Variants in NAALADL2 observed in about 807,000 individuals in gnomAD.
NAALADL2 encodes N-acetylated alpha-linked acidic dipeptidase like 2.
A neutral mutation model predicts 87.2 loss-of-function variants in NAALADL2; 76 were observed. That is an observed-to-expected ratio of 0.87 (90% CI 0.72 to 1.05). The LOEUF is 1.05. NAALADL2 is among the 50% of genes least tolerant of loss of function. The pLI, the probability that NAALADL2 is intolerant of heterozygous loss-of-function variation, is 0.00. For missense variants in NAALADL2, 1,089 were observed against 945.8 expected (o/e 1.15, Z -1.99); for synonymous variants, 354 against 331.0 (o/e 1.07, Z -0.75).
intron 2 of NAALADL2, among the ~76,000 whole-genome samples, chr3:174,664,051 T>C (rs1725747050): frequency 6.6e-6 from 1 of 151,988 alleles, no homozygotes. Flanking sequence ...GGCCTCCCAA[T>C]GTGTGGGGAT....
chr3:175,325,436 A>T (rs1760589157), intron 5 of NAALADL2, among the ~76,000 whole-genome samples: 1 of 152,192 alleles, frequency 6.6e-6, no homozygotes, highest in South Asian at 2.1e-4. Flanking sequence ...TACAATTTTA[A>T]GTTAGAATTA....
In NAALADL2 at chr3:175,803,343, T is replaced by G; in HGVS notation, c.*140T>G. 2.1e-6 allele frequency: 1 copy of G among 483,014 alleles called. No homozygotes were observed. The highest frequency in any genetic ancestry group is 5.3e-4 in the Middle Eastern group (1 of 1,888). 29.9% of individuals were successfully genotyped at this position (483,014 alleles called of 1,614,324 possible). ...TAAAGCTATTATTACATTGTATTTT[T>G]TAAATGTAAATATAGAAAGAACATT... On this transcript the variant is annotated 3_prime_UTR_variant, in exon 14 of 14. Coordinates refer to ENST00000454872, the MANE Select transcript of NAALADL2 (RefSeq NM_207015.3).
chr3:175,544,505 G>T (rs150946333), intron 9 of NAALADL2, among the ~76,000 whole-genome samples: 1 of 151,982 alleles, frequency 6.6e-6, no homozygotes, highest in Non-Finnish European at 1.5e-5. Context: ...GAAATTTTTC[G>T]TATCTTCTTT....
At chr3:175,654,038 G>A (rs1253980466) in intron 11 of NAALADL2, among the ~76,000 whole-genome samples, 2 of 152,154 alleles carry the variant, frequency 1.3e-5, no homozygotes, top group East Asian at 1.9e-4. Flanking sequence ...TTGTTCATGG[G>A]CTGATTGTTG....
At position 175,512,080 on chromosome 3, in the gene NAALADL2, G is replaced by GA. The variant is rs971073862; in HGVS notation, c.1653+40329dup. Among the ~76,000 whole-genome samples, 13 of 152,012 alleles carry GA rather than the reference G, an allele frequency of 8.6e-5. No individual in the cohort carries two copies. In the South Asian group the frequency reaches 1.9e-3, roughly 22 times the overall value. On this transcript the variant is annotated intron_variant, in intron 9 of 13. Coordinates refer to ENST00000454872, the MANE Select transcript of NAALADL2 (RefSeq NM_207015.3). ...AACATAGTGTGACCCCCATCTCTAT[G>GA]AAAAAAATTGAAAATTAACTTGGCA...
intron 11 of NAALADL2, among the ~76,000 whole-genome samples, chr3:175,677,220 G>A (rs1734903186): frequency 6.6e-6 from 1 of 151,852 alleles, no homozygotes; most frequent in Admixed American, 6.6e-5. Context: ...AAAATTAGCT[G>A]AGCGTGGTGG....
chr3:175,074,084 C>T (rs1453721191), intron 1 of NAALADL2, among the ~76,000 whole-genome samples: 3 of 151,894 alleles, frequency 2.0e-5, no homozygotes, highest in Non-Finnish European at 4.4e-5. Context: ...TGTTCTACTC[C>T]CTATGTCTAG....
At chr3:174,505,370 C>T (rs1375527110) in intron 1 of NAALADL2, among the ~76,000 whole-genome samples, 1 of 152,118 alleles carries the variant, frequency 6.6e-6, no homozygotes, top group Non-Finnish European at 1.5e-5. Context: ...CACTTCTAAG[C>T]GCTGATTATT....
intron 2 of NAALADL2, among the ~76,000 whole-genome samples, chr3:175,208,321 C>T (rs2109237443): frequency 6.6e-6 from 1 of 152,226 alleles, no homozygotes; most frequent in Non-Finnish European, 1.5e-5. Flanking sequence ...TCTGTCTAAA[C>T]CTATCTTGCT....
chr3:175,610,812 A>C (rs2149672895), intron 10 of NAALADL2, among the ~76,000 whole-genome samples: 1 of 152,256 alleles, frequency 6.6e-6, no homozygotes, highest in Non-Finnish European at 1.5e-5. Context: ...GTTGGCATTT[A>C]CTGAACAGTT....
At chr3:175,207,641 C>CA (rs1476049791) in intron 2 of NAALADL2, among the ~76,000 whole-genome samples, 3 of 152,160 alleles carry the variant, frequency 2.0e-5, no homozygotes, top group Non-Finnish European at 4.4e-5. Flanking sequence ...CTTATCCACA[C>CA]ATTTCCTCTC....
At chr3:175,739,902 G>T (rs923750437) in intron 12 of NAALADL2, among the ~76,000 whole-genome samples, 4 of 152,106 alleles carry the variant, frequency 2.6e-5, no homozygotes, top group Non-Finnish European at 4.4e-5. Flanking sequence ...ATACAAATTT[G>T]CATTCCCAAA....
At chr3:175,267,309 A>T (rs1160800876) in intron 4 of NAALADL2, among the ~76,000 whole-genome samples, 1 of 152,106 alleles carries the variant, frequency 6.6e-6, no homozygotes, top group Non-Finnish European at 1.5e-5. Context: ...CTAATTGATT[A>T]TAAAACATGT....
In NAALADL2 at chr3:174,481,466, G is replaced by C. The variant is rs1717545128; in HGVS notation, c.-184+40434G>C. ...GTGTTTACATAAGAAATGCTAGATA[G>C]CTCACAAAATTGCCACGAGGTTTAG... is the stretch of plus-strand genomic sequence containing the variant. On this transcript the variant is annotated intron_variant, in intron 1 of 3. Transcript: ENST00000434257. 2.6e-5 allele frequency among the ~76,000 whole-genome samples: 4 copies of C among 151,896 alleles called. No homozygotes were observed. In the South Asian group the frequency reaches 8.3e-4, roughly 32 times the overall value.
chr3:175,166,313 T>A (rs1294305155), intron 2 of NAALADL2, among the ~76,000 whole-genome samples: 1 of 152,048 alleles, frequency 6.6e-6, no homozygotes, highest in Non-Finnish European at 1.5e-5. Flanking sequence ...CTTCTGATTC[T>A]CACCTCATTT....
At chr3:175,623,284 ATTTGTGCCTTACCTAAAGGTTCT>A (rs1726493594) in intron 10 of NAALADL2, among the ~76,000 whole-genome samples, 1 of 65,002 alleles carries the variant, frequency 1.5e-5, no homozygotes, top group Non-Finnish European at 3.9e-5. Context: ...TACAGCTTTT[ATTTGTGCCTTACCTAAAGGTTCT>A]TTTATAAATG....
intron 2 of NAALADL2, among the ~76,000 whole-genome samples, chr3:174,586,994 C>T (rs1026417777): frequency 7.2e-6 from 1 of 138,290 alleles, no homozygotes; most frequent in African/African-American, 2.6e-5. Context: ...TCCCCCCACC[C>T]CACGACAGGC....
intron 1 of NAALADL2, among the ~76,000 whole-genome samples, chr3:174,861,569 A>G (rs1726509071): frequency 6.6e-6 from 1 of 152,122 alleles, no homozygotes; most frequent in South Asian, 2.1e-4. Flanking sequence ...ACTATGTTAA[A>G]ATAATATGTT....
At chr3:175,555,696 A>G (rs978041738) in intron 9 of NAALADL2, among the ~76,000 whole-genome samples, 6 of 152,164 alleles carry the variant, frequency 3.9e-5, no homozygotes, top group Non-Finnish European at 7.4e-5. Context: ...CACACACTAC[A>G]CATATATATG....
Sources: gnomAD v4.1 joint callset for allele counts (sites outside exome capture counted in the v4.1 genomes callset) on GRCh38, gnomAD v4.1.1 for gene constraint, MANE v1.5 for transcripts, NCBI Gene and HGNC (gene_info 2026-07-23, HGNC 2026-07-21) for gene names.